Variants in CCPG1 observed in about 807,000 individuals in gnomAD.
CCPG1 encodes the protein cell cycle progression protein 1.
A neutral mutation model predicts 81.3 loss-of-function variants in CCPG1; 46 were observed. The observed-to-expected ratio is 0.57, with a 90% CI of 0.45 to 0.72. CCPG1 has a LOEUF of 0.72. CCPG1 is among the 30% of genes least tolerant of loss of function. The pLI is 0.00. For synonymous variants in CCPG1, 330 were observed against 305.2 expected (o/e 1.08, Z -0.85); for missense variants, 902 against 937.6 (o/e 0.96, Z 0.50).
chr15:55,359,770 A>C lies in CCPG1; in HGVS notation c.2003T>G (p.Leu668Arg). The C allele has an allele frequency of 1.2e-6, 2 of 1,613,434 alleles. No individual in the cohort carries two copies. Among genetic ancestry groups the C allele is most frequent in the Non-Finnish European group, 1.7e-6 (2 of 1,179,910 alleles). ...TTCGTTCCAGTGACAAAAAGTATCC[A>C]GTTCTTTTAACATGTACCTTTGAAT... ...QIIQRYMLKE[L>R]DTFCHWNELD... Residue 668 changes from leucine to arginine, a missense_variant, in exon 8 of 9, where the codon CTG becomes CGG. By Grantham distance (102) the Leu-to-Arg change is moderately radical (BLOSUM62 -2). Around this residue, in one of 3 missense-constraint regions of CCPG1, gnomAD observed 746 missense variants for 728.6 expected, o/e 1.02. Coordinates refer to ENST00000442196, the MANE Select transcript of CCPG1 (RefSeq NM_001204450.2).
chr15:55,374,367 A>C (rs2141275232), intron 5 of CCPG1: 1 of 509,526 alleles, frequency 2.0e-6, no homozygotes, highest in East Asian at 7.0e-5. Context: ...TACAAAATTA[A>C]AACGTAATAA....
chr15:55,405,869 C>T (rs1353028057), intron 1 of CCPG1, among the ~76,000 whole-genome samples: 1 of 152,088 alleles, frequency 6.6e-6, no homozygotes, highest in Non-Finnish European at 1.5e-5. Context: ...ACTGTTGTTG[C>T]TTATTTGGTG....
intron 6 of CCPG1, among the ~76,000 whole-genome samples, chr15:55,366,939 G>A (rs77460119): frequency 0.01 from 1,556 of 152,224 alleles, 29 homozygotes; most frequent in African/African-American, 0.036. Context: ...TACATCTACT[G>A]AGTATAGATA....
At position 55,359,864 on chromosome 15, in the gene CCPG1, G is replaced by T. The variant is rs1181675386; in HGVS notation, c.1909C>A (p.Gln637Lys). ...TTAAAAAGGCTCATGGACTCTTGTT[G>T]AGCACAATCAAATACACCAGAACAA... ...KACSGVFDCA[Q>K]QESMSLFNTV... Residue 637 changes from glutamine (Q) to lysine (K), a missense_variant, in exon 8 of 9, where the codon CAA becomes AAA. Transcript: ENST00000442196. 2 of 1,613,694 alleles carry T rather than the reference G, an allele frequency of 1.2e-6. No individual in the cohort carries two copies. Among genetic ancestry groups the T allele is most frequent in the Admixed American group, 3.3e-5 (2 of 60,008 alleles).
At position 55,360,075 on chromosome 15, in the gene CCPG1, A is replaced by G. The variant is rs779100115; in HGVS notation, c.1698T>C (p.Phe566=). 10 of 1,613,918 alleles carry G rather than the reference A, an allele frequency of 6.2e-6. No individual in the cohort carries two copies. The highest frequency in any genetic ancestry group is 8.5e-6 in the Non-Finnish European group (10 of 1,179,966). The change falls in exon 8 of 9, where the codon TTT becomes TTC. Residue 566 remains phenylalanine (F), a synonymous_variant. Coordinates refer to ENST00000442196, the MANE Select transcript of CCPG1 (RefSeq NM_001204450.2). ...TATACTGTGGATGTAAATAGTCACT[A>G]AAAACTGTTCTTGGTTTTTCAGCTG... ...KEAAEKPRTV[F]SDYLHPQYKA...
At chr15:55,403,655 C>A (rs922588724) in intron 1 of CCPG1, among the ~76,000 whole-genome samples, 2 of 152,172 alleles carry the variant, frequency 1.3e-5, no homozygotes, top group African/African-American at 4.8e-5. Flanking sequence ...TGATGCAATA[C>A]ATTGCAAATG....
chr15:55,366,285 T>TA lies in CCPG1; in HGVS notation c.707-977dup, dbSNP rs1449049792. On this transcript the variant is annotated intron_variant, in intron 6 of 8. Coordinates refer to ENST00000442196, the MANE Select transcript of CCPG1 (RefSeq NM_001204450.2). ...AACCCTGGTATTTTTTCACAGGTCGTAAGTCAATAAGGAAAAATGAAAATT... is the reference window on the plus strand; with the variant it reads ...AACCCTGGTATTTTTTCACAGGTCGTAAAGTCAATAAGGAAAAATGAAAATT... Among the ~76,000 whole-genome samples, 5 of 151,822 alleles carry TA rather than the reference T, an allele frequency of 3.3e-5. No homozygotes were observed. In the East Asian group the frequency reaches 7.7e-4, roughly 23 times the overall value.
At chr15:55,406,627 G>A (rs886693980) in intron 1 of CCPG1, among the ~76,000 whole-genome samples, 2 of 151,252 alleles carry the variant, frequency 1.3e-5, no homozygotes, top group Admixed American at 6.6e-5. Context: ...TAGAGACGGG[G>A]TTTCACCGTG....
intron 5 of CCPG1, chr15:55,374,259 A>T: frequency 7.9e-7 from 1 of 1,272,448 alleles, no homozygotes; most frequent in Non-Finnish European, 1.0e-6. Context: ...TTCTTTTGTG[A>T]ATAAACAGGA....
At chr15:55,403,855 C>A (rs902838341) in intron 1 of CCPG1, among the ~76,000 whole-genome samples, 2 of 152,168 alleles carry the variant, frequency 1.3e-5, no homozygotes, top group Non-Finnish European at 2.9e-5. Flanking sequence ...GTTTAAAGTA[C>A]CTTGGACTTA....
chr15:55,373,762 T>C (rs1185615000), intron 5 of CCPG1, among the ~76,000 whole-genome samples: 3 of 152,218 alleles, frequency 2.0e-5, no homozygotes. Flanking sequence ...AAAATTAAGA[T>C]AGGTAAATGT....
At chr15:55,372,642 G>C (rs1023169833) in intron 5 of CCPG1, 2 of 233,364 alleles carry the variant, frequency 8.6e-6, no homozygotes, top group East Asian at 1.3e-4. Flanking sequence ...CTGGGAGACA[G>C]AGCAAAACTC....
intron 7 of CCPG1, among the ~76,000 whole-genome samples, chr15:55,363,773 C>T (rs1350321518): frequency 2.9e-5 from 4 of 138,854 alleles, no homozygotes; most frequent in Admixed American, 2.9e-4. Flanking sequence ...AAGGAAAAAA[C>T]AATAGCTTAC....
At chr15:55,391,621 C>T (rs997326863) in intron 1 of CCPG1, among the ~76,000 whole-genome samples, 1 of 152,036 alleles carries the variant, frequency 6.6e-6, no homozygotes, top group Admixed American at 6.6e-5. Flanking sequence ...ATAAATGAGG[C>T]TGCAAATTTG....
chr15:55,383,151 T>C (rs1438413954), intron 3 of CCPG1, among the ~76,000 whole-genome samples: 2 of 152,256 alleles, frequency 1.3e-5, no homozygotes, highest in African/African-American at 4.8e-5. Flanking sequence ...GACTGGATGT[T>C]GTGTTAGCAG....
intron 1 of CCPG1, chr15:55,407,707 C>G (rs139978107): frequency 6.6e-6 from 1 of 152,412 alleles, no homozygotes; most frequent in African/African-American, 2.4e-5. Flanking sequence ...ATTTGATCAT[C>G]ATCAGGCTGG....
rs565044184 is a variant in CCPG1, at chr15:55,363,799, C to CTTTTTTTTTTTTT, written c.828+1376_828+1388dup. Among the ~76,000 whole-genome samples the CTTTTTTTTTTTTT allele has an allele frequency of 1.8e-3, 168 of 93,924 alleles. 11 individuals are homozygous for CTTTTTTTTTTTTT. The highest frequency in any genetic ancestry group is 7.2e-3 in the African/African-American group (160 of 22,250). 61.6% of individuals were successfully genotyped at this position (93,924 alleles called of 152,430 possible). On this transcript the variant is annotated intron_variant, in intron 7 of 8. Transcript: ENST00000442196. ...AATAGCTTACTTTTCTTTCCTTTTC[C>CTTTTTTTTTTTTT]TTTTTTTTTTTTTTTTTTTTTTTTG...
intron 1 of CCPG1, among the ~76,000 whole-genome samples, chr15:55,405,557 A>T (rs1222833432): frequency 6.6e-6 from 1 of 152,050 alleles, no homozygotes; most frequent in Non-Finnish European, 1.5e-5. Context: ...AAAAAGTAAT[A>T]GCCAGGCCTA....
In CCPG1 at chr15:55,356,289, G is replaced by A; in HGVS notation, c.2355C>T (p.Arg785=). 6.5e-7 allele frequency: 1 copy of A among 1,534,784 alleles called. No homozygotes were observed. Residue 785 remains arginine, a synonymous_variant, in exon 9 of 9, where the codon CGC becomes CGT. Transcript: ENST00000442196. ...KREGKWHKYG[R]TNGRQMANLE... ...GATTTGCCATTTGTCTTCCATTAGT[G>A]CGACCATATTTATGCCATTTACCTT... is the stretch of plus-strand genomic sequence containing the variant.
Sources: allele counts gnomAD v4.1 joint callset (sites outside exome capture counted in the v4.1 genomes callset), GRCh38; gene constraint gnomAD v4.1.1; regional missense constraint gnomAD v4.1.1; transcripts MANE v1.5; gene names NCBI Gene and HGNC (gene_info 2026-07-23, HGNC 2026-07-21).